The following GPR161 variants were observed in gnomAD, a reference collection of about 807,000 sequenced individuals.
GPR161 encodes the protein G-protein coupled receptor RE2.
Under a neutral mutation model 39.2 loss-of-function variants are expected in GPR161, and 25 were observed. That is an observed-to-expected ratio of 0.64 (90% confidence interval 0.47 to 0.89). GPR161 has a LOEUF of 0.89. GPR161 is among the 40% of genes least tolerant of loss of function. GPR161 has a pLI of 0.00. For synonymous variants in GPR161, 286 were observed against 276.6 expected (o/e 1.03, Z -0.34); for missense variants, 547 against 677.8 (o/e 0.81, Z 2.14).
rs112218044 is a variant in GPR161, at chr1:168,114,943, T to C, written c.-44-10049A>G. On this transcript the variant is annotated intron_variant, in intron 1 of 5. Coordinates refer to ENST00000682931, the MANE Select transcript of GPR161 (RefSeq NM_001375883.1). ...TTGATCTCGGGTGGGCTAGAGAGTC[T>C]CACTGATGGGGCTAGGGATGCTCAC... Among the ~76,000 whole-genome samples, 1,360 of 152,286 alleles carry C rather than the reference T, an allele frequency of 8.9e-3. 18 individuals carry two copies. Among genetic ancestry groups the C allele is most frequent in the African/African-American group, 0.031 (1,300 of 41,556 alleles).
At chr1:168,117,506 C>A (rs185674087) in intron 1 of GPR161, among the ~76,000 whole-genome samples, 1 of 152,256 alleles carries the variant, frequency 6.6e-6, no homozygotes, top group South Asian at 2.1e-4. Flanking sequence ...CTTAACCCCC[C>A]CCTGCATCAG....
chr1:168,136,969 G>A, upstream of GPR161: 2 of 384,654 alleles, frequency 5.2e-6, no homozygotes, highest in Non-Finnish European at 5.9e-6. Context: ...CCCCCCCCAC[G>A]CCCGGCCGGG....
chr1:168,104,805 G>T lies in GPR161; in HGVS notation c.46C>A (p.Leu16Ile). Residue 16 changes from leucine to isoleucine, a missense_variant, in exon 2 of 6, where the codon CTC (leucine) becomes ATC (isoleucine). By Grantham distance (5) the Leu-to-Ile change is conservative. Transcript: ENST00000682931. ...CCTTCGCCACCCTCCTCCTCAGTGA[G>T]ATTACTCAGCTCCTTCCTGCAGCTG... ...SLSCRKELSN[L>I]TEEEGGEGGV... 1 of 1,613,912 alleles carries T rather than the reference G, an allele frequency of 6.2e-7. No homozygotes were observed. Among genetic ancestry groups the T allele is most frequent in the Non-Finnish European group, 8.5e-7 (1 of 1,179,820 alleles).
At position 168,085,640 on chromosome 1, in the gene GPR161, A is replaced by G. The variant is rs2102088375; in HGVS notation, c.1481T>C (p.Val494Ala). Residue 494 changes from valine to alanine, a missense_variant, in exon 6 of 6, where the codon GTC becomes GCC. Transcript: ENST00000682931. ...GCGGCCCCCGAAGCCGCCCCCCGGGACAGTCCGTGCTGTAACCAAGACCCC... is the reference window on the plus strand; with the variant it reads ...GCGGCCCCCGAAGCCGCCCCCCGGGGCAGTCCGTGCTGTAACCAAGACCCC... ...LPGVLVTART[V>A]PGGGFGGRRG... 1.9e-6 allele frequency: 3 copies of G among 1,614,102 alleles called. No individual in the cohort carries two copies. Among genetic ancestry groups the G allele is most frequent in the Non-Finnish European group, 2.5e-6 (3 of 1,180,026 alleles).
At chr1:168,115,667 A>C (rs923431609) in intron 1 of GPR161, among the ~76,000 whole-genome samples, 10 of 152,154 alleles carry the variant, frequency 6.6e-5, no homozygotes, top group African/African-American at 2.4e-4. Flanking sequence ...GCCCGGGGTT[A>C]CTGGCGGGGT....
At chr1:168,128,232 A>C (rs1698731051) in intron 1 of GPR161, among the ~76,000 whole-genome samples, 1 of 152,156 alleles carries the variant, frequency 6.6e-6, no homozygotes, top group South Asian at 2.1e-4. Flanking sequence ...GGAGGGTCTG[A>C]AAATATCCAA....
At chr1:168,133,871 T>C (rs1699173235) in intron 1 of GPR161, 2 of 925,226 alleles carry the variant, frequency 2.2e-6, no homozygotes, top group South Asian at 5.0e-5. Context: ...AAACTATATA[T>C]TCACCTATGT....
chr1:168,125,474 T>C (rs1698515783), intron 1 of GPR161, among the ~76,000 whole-genome samples: 1 of 152,160 alleles, frequency 6.6e-6, no homozygotes, highest in African/African-American at 2.4e-5. Context: ...ACAAATACGT[T>C]TTATACTGAA....
At chr1:168,103,408 A>G (rs536357634) in intron 2 of GPR161, among the ~76,000 whole-genome samples, 1 of 147,734 alleles carries the variant, frequency 6.8e-6, no homozygotes, top group East Asian at 2.0e-4. Context: ...TATTTTCTGG[A>G]TTACCTCTAC....
chr1:168,125,623 C>CA (rs1698529909), intron 1 of GPR161, among the ~76,000 whole-genome samples: 1 of 137,068 alleles, frequency 7.3e-6, no homozygotes, highest in Non-Finnish European at 1.5e-5. Flanking sequence ...GCTTCCCCCC[C>CA]CTTTTTTTTT....
At chr1:168,091,077 C>T (rs1695014650) in intron 3 of GPR161, among the ~76,000 whole-genome samples, 2 of 152,138 alleles carry the variant, frequency 1.3e-5, no homozygotes, top group African/African-American at 4.8e-5. Flanking sequence ...AGGCTTACAC[C>T]CCAAAGGAAG....
chr1:168,133,338 T>C (rs1699141419), intron 1 of GPR161, among the ~76,000 whole-genome samples: 1 of 152,306 alleles, frequency 6.6e-6, no homozygotes, highest in Non-Finnish European at 1.5e-5. Flanking sequence ...AAAATGTACA[T>C]TTCCTTTGAC....
chr1:168,107,909 G>C (rs1184934789), intron 1 of GPR161, among the ~76,000 whole-genome samples: 6 of 152,200 alleles, frequency 3.9e-5, no homozygotes, highest in Non-Finnish European at 7.3e-5. Flanking sequence ...CAGAACCCTA[G>C]GGAGAGGAAT....
chr1:168,112,008 G>A (rs1228654810), intron 1 of GPR161, among the ~76,000 whole-genome samples: 3 of 150,366 alleles, frequency 2.0e-5, no homozygotes, highest in Admixed American at 2.0e-4. Context: ...TAATATCTAA[G>A]GAAAGGAACC....
At chr1:168,137,163 A>G, upstream of GPR161, 1 of 1,366,662 alleles carries the variant, frequency 7.3e-7, no homozygotes, top group South Asian at 1.7e-5. Context: ...TCTCGCCCTT[A>G]CCCTCTCGGC....
chr1:168,137,228 T>C, upstream of GPR161: 1 of 1,471,988 alleles, frequency 6.8e-7, no homozygotes, highest in Non-Finnish European at 9.0e-7. Flanking sequence ...GCCTTCCCTG[T>C]TCCCGTTCCT....
At chr1:168,137,303 T>A (rs1195541633), upstream of GPR161, 3 of 1,530,030 alleles carry the variant, frequency 2.0e-6, no homozygotes, top group East Asian at 2.5e-5. Context: ...ACAGACACTT[T>A]CAGATTCTTC....
intron 2 of GPR161, among the ~76,000 whole-genome samples, chr1:168,101,052 T>C (rs1696047774): frequency 6.6e-6 from 1 of 151,790 alleles, no homozygotes; most frequent in Non-Finnish European, 1.5e-5. Context: ...CTGTCTTTGC[T>C]CTCTTTTCAT....
rs775719346 is a variant in GPR161 at position 168,096,970 on chromosome 1, G to A, written c.637C>T (p.Arg213Cys). 1.2e-5 allele frequency: 20 copies of A among 1,614,158 alleles called. No homozygotes were observed. Among genetic ancestry groups the A allele is most frequent in the East Asian group, 2.2e-5 (1 of 44,886 alleles). Residue 213 changes from arginine (R) to cysteine (C), a missense_variant, in exon 3 of 6, where the codon CGC becomes TGC. Arg to Cys is a radical substitution (Grantham distance 180, BLOSUM62 -3). Coordinates refer to ENST00000682931, the MANE Select transcript of GPR161 (RefSeq NM_001375883.1). ...TTGCGTGCCTTGACCCTGGCCACGCGGAAGATGAAGCCATAGCACACCAGC... is the reference window on the plus strand; with the variant it reads ...TTGCGTGCCTTGACCCTGGCCACGCAGAAGATGAAGCCATAGCACACCAGC... Reference protein sequence around the residue: ...VMLVCYGFIFRVARVKARKVH... With the variant: ...VMLVCYGFIFCVARVKARKVH...
Sources: allele counts gnomAD v4.1 joint callset (sites outside exome capture counted in the v4.1 genomes callset), GRCh38; gene constraint gnomAD v4.1.1; transcripts MANE v1.5; gene names NCBI Gene and HGNC (gene_info 2026-07-23, HGNC 2026-07-21).